ROCK1: variants seen among roughly 807,000 people sequenced by gnomAD.
ROCK1 encodes the protein Rho associated coiled-coil containing protein kinase 1.
A neutral mutation model predicts 196.8 loss-of-function variants in ROCK1; 36 were observed. The ratio of observed to expected loss-of-function variants is 0.18; its 90% CI spans 0.14 to 0.24. The LOEUF (loss-of-function observed/expected upper bound fraction) is 0.24, where lower values mean the gene tolerates loss of function less well. Ranked by LOEUF, ROCK1 falls within the 10% of genes least tolerant of loss-of-function variation. The probability of loss-of-function intolerance (pLI) is 1.00; values close to 1 mark genes in which losing one functional copy is unlikely to be tolerated. For missense variants in ROCK1, 920 were observed against 1,562.0 expected (o/e 0.59, Z 6.93); for synonymous variants, 443 against 515.9 (o/e 0.86, Z 1.91).
intron 1 of ROCK1, among the ~76,000 whole-genome samples, chr18:21,092,181 G>A (rs2036576163): frequency 6.6e-6 from 1 of 152,124 alleles, no homozygotes; most frequent in Non-Finnish European, 1.5e-5. Flanking sequence ...TTTGACAGGT[G>A]AAGGAACAAG....
chr18:20,982,055 A>G lies in ROCK1; in HGVS notation c.2559+708T>C, dbSNP rs535191645. 7.4e-4 allele frequency among the ~76,000 whole-genome samples: 112 copies of G among 152,304 alleles called. 1 individual carries two copies. The South Asian group carries it at 0.022, about 30-fold the overall frequency. On this transcript the variant is annotated intron_variant, in intron 21 of 32. Transcript: ENST00000399799. ...AGGTTTTGTACTATTTTCTAGAAGC[A>G]AAATCAAAAATCCACAAGAATCACC...
Position 21,039,455 on chromosome 18 carries a change from G to GAAA in ROCK1, c.1051+14_1051+16dup. ...TTCAAATATTCACTAAAATATGAAA[G>GAAA]AAAAAAAAAAACTTACTGTCTCGGA... On this transcript the variant is annotated intron_variant, in intron 9 of 32. Transcript: ENST00000399799. 7 of 1,276,112 alleles carry GAAA rather than the reference G, an allele frequency of 5.5e-6. No individual in the cohort carries two copies. The highest frequency in any genetic ancestry group is 3.1e-5 in the African/African-American group (2 of 64,134). The allele number at this position is 1,276,112 out of a possible 1,614,324, so 79.0% of individuals were successfully genotyped here. A position where few individuals can be genotyped will look rare whatever the true frequency, so the allele number is the denominator to read the frequency against.
At chr18:21,077,575 T>C (rs184247010) in intron 1 of ROCK1, among the ~76,000 whole-genome samples, 231 of 149,680 alleles carry the variant, frequency 1.5e-3, no homozygotes, top group African/African-American at 5.4e-3. Flanking sequence ...ACACATACAA[T>C]AGACCATCTA....
intron 16 of ROCK1, among the ~76,000 whole-genome samples, chr18:20,993,528 G>A (rs545812346): frequency 6.6e-6 from 1 of 152,118 alleles, no homozygotes; most frequent in African/African-American, 2.4e-5. Flanking sequence ...CCACATTAAA[G>A]GTGAGAGCCT....
chr18:21,016,009 AAC>A (rs1464977571), intron 12 of ROCK1, among the ~76,000 whole-genome samples: 2 of 152,002 alleles, frequency 1.3e-5, no homozygotes, highest in Non-Finnish European at 2.9e-5. Flanking sequence ...ATTATATTGA[AAC>A]ACAGTAATAA....
chr18:20,948,466 T>C lies in ROCK1; in HGVS notation c.*2918A>G, dbSNP rs918623950. On this transcript the variant is annotated 3_prime_UTR_variant, in exon 33 of 33. Coordinates refer to ENST00000399799, the MANE Select transcript of ROCK1 (RefSeq NM_005406.3). Reference sequence around the variant, plus strand: ...CTATGAGTTTGTCATTTAAGTTCTTTTACTTATTTTTTTTACTTTAAATGA... The same window carrying C: ...CTATGAGTTTGTCATTTAAGTTCTTCTACTTATTTTTTTTACTTTAAATGA... The C allele has an allele frequency of 2.7e-5, 4 of 150,802 alleles. No homozygotes were observed. Among genetic ancestry groups the C allele is most frequent in the Non-Finnish European group, 5.9e-5 (4 of 68,036 alleles). 9.3% of individuals were successfully genotyped at this position (150,802 alleles called of 1,614,324 possible).
intron 18 of ROCK1, among the ~76,000 whole-genome samples, chr18:20,989,945 T>C (rs1464527082): frequency 1.3e-5 from 2 of 152,076 alleles, no homozygotes; most frequent in East Asian, 3.9e-4. Flanking sequence ...GACCGATATG[T>C]TCAAAAAAAA....
chr18:21,053,862 ACTCTT>A (rs2036225081), intron 2 of ROCK1, among the ~76,000 whole-genome samples: 2 of 152,050 alleles, frequency 1.3e-5, no homozygotes, highest in African/African-American at 4.8e-5. Context: ...TTTCAAGTAT[ACTCTT>A]CTCTTCTTGC....
intron 16 of ROCK1, among the ~76,000 whole-genome samples, chr18:21,004,284 A>C (rs1234150091): frequency 6.6e-5 from 10 of 152,228 alleles, no homozygotes; most frequent in Admixed American, 5.2e-4. Context: ...ATGAATAACA[A>C]TCAAGACTCT....
rs112568319 is a variant in ROCK1 at position 20,953,419 on chromosome 18, AG to A, written c.4061+158del. The stretch of plus-strand genomic sequence containing the variant: ...GTATTATTATTATTAAACTCTAACA[AG>A]AATAAGTTAAACTAATTTATAAAGT... On this transcript the variant is annotated intron_variant, in intron 32 of 32. Transcript: ENST00000399799. The A allele has an allele frequency of 3.2e-3, 1,622 of 506,928 alleles. 6 individuals are homozygous for A. Among genetic ancestry groups the A allele is most frequent in the Middle Eastern group, 8.1e-3 (15 of 1,856 alleles). The allele number at this position is 506,928 out of a possible 1,614,324, so 31.4% of individuals were successfully genotyped here. A position where few individuals can be genotyped will look rare whatever the true frequency, so the allele number is the denominator to read the frequency against.
chr18:20,952,701 G>A (rs1598504347), intron 32 of ROCK1, among the ~76,000 whole-genome samples: 1 of 151,648 alleles, frequency 6.6e-6, no homozygotes, highest in African/African-American at 2.4e-5. Flanking sequence ...CTTGAACTTG[G>A]GAGGTGGAGG....
At chr18:20,969,089 G>A in intron 24 of ROCK1, 26 bp downstream of exon 24, 1 of 1,396,216 alleles carries the variant, frequency 7.2e-7, no homozygotes, top group African/African-American at 1.4e-5. Flanking sequence ...GATTTAACAT[G>A]ATGATTTTTT....
chr18:21,006,411 T>C lies in ROCK1; in HGVS notation c.1825A>G (p.Ile609Val), dbSNP rs1255408562. Residue 609 changes from isoleucine (I) to valine (V), a missense_variant, in exon 16 of 33, where the codon ATA becomes GTA. Physicochemically the swap from Ile to Val is conservative, Grantham distance 29. This residue lies in a region of ROCK1 where 520 missense variants were observed against 657.1 expected (regional missense o/e 0.79). Coordinates refer to ENST00000399799, the MANE Select transcript of ROCK1 (RefSeq NM_005406.3). Reference protein sequence around the residue: ...TDKDYYQLQAILEAERRDRGH... With the variant: ...TDKDYYQLQAVLEAERRDRGH... Reference sequence around the variant, plus strand: ...CTGTCTCTTCGTTCAGCTTCTAATATAGCTTGCAGCTGGTAATAATCTTTG... The same window carrying C: ...CTGTCTCTTCGTTCAGCTTCTAATACAGCTTGCAGCTGGTAATAATCTTTG... The C allele has an allele frequency of 5.0e-6, 8 of 1,613,532 alleles. No homozygotes were observed. Among genetic ancestry groups the C allele is most frequent in the South Asian group, 1.1e-5 (1 of 91,082 alleles).
Position 21,008,185 on chromosome 18 carries a change from T to G in ROCK1, c.1420A>C (p.Arg474=), listed in dbSNP as rs1432935679. The change falls in exon 14 of 33, where the codon AGA becomes CGA. Residue 474 remains arginine (R), a synonymous_variant. Transcript: ENST00000399799. ...MKELDEEGNQ[R]RNLESTVSQI... ...GACACTGTAGATTCTAGATTTCTTC[T>G]TTGATTTCCCTGGAATTATAATGAT... is the stretch of plus-strand genomic sequence containing the variant. The G allele has an allele frequency of 1.3e-6, 2 of 1,579,578 alleles. No individual in the cohort carries two copies. Among genetic ancestry groups the G allele is most frequent in the Non-Finnish European group, 1.7e-6 (2 of 1,162,346 alleles).
chr18:20,982,573 A>AAACATATACC, intron 21 of ROCK1, among the ~76,000 whole-genome samples, 190 bp downstream of exon 21: 1 of 152,308 alleles, frequency 6.6e-6, no homozygotes, highest in East Asian at 1.9e-4. Flanking sequence ...TACAATTTAA[A>AAACATATACC]AACATATACC....
At chr18:21,108,172 A>G (rs1464349831) in intron 1 of ROCK1, among the ~76,000 whole-genome samples, 1 of 152,234 alleles carries the variant, frequency 6.6e-6, no homozygotes, top group East Asian at 1.9e-4. Flanking sequence ...GGACAAGATT[A>G]TAAGATTTGA....
At chr18:21,061,035 T>C (rs2036285359) in intron 2 of ROCK1, among the ~76,000 whole-genome samples, 1 of 151,606 alleles carries the variant, frequency 6.6e-6, no homozygotes, top group African/African-American at 2.4e-5. Flanking sequence ...AAAAAGCAAC[T>C]ACTTCACACA....
chr18:21,104,513 C>T (rs1474192313), intron 1 of ROCK1, among the ~76,000 whole-genome samples: 25 of 152,258 alleles, frequency 1.6e-4, no homozygotes, highest in African/African-American at 4.6e-4. Context: ...AGGAGAATGG[C>T]GTGAACCCAG....
At chr18:20,978,177 A>C (rs1354756853) in intron 22 of ROCK1, among the ~76,000 whole-genome samples, 1 of 151,658 alleles carries the variant, frequency 6.6e-6, no homozygotes, top group East Asian at 1.9e-4. Flanking sequence ...TTATAAAACT[A>C]GTGAAAATAA....
Sources: allele counts gnomAD v4.1 joint callset (sites outside exome capture counted in the v4.1 genomes callset), GRCh38; gene constraint gnomAD v4.1.1; regional missense constraint gnomAD v4.1.1; transcripts MANE v1.5; gene names NCBI Gene and HGNC (gene_info 2026-07-23, HGNC 2026-07-21).